Variants in AUH observed in about 807,000 individuals in gnomAD.
AUH encodes the protein methylglutaconyl-CoA hydratase, mitochondrial.
Under a neutral mutation model 42.3 loss-of-function variants are expected in AUH, and 29 were observed. The observed-to-expected ratio is 0.69, with a 90% CI of 0.51 to 0.93. The LOEUF (loss-of-function observed/expected upper bound fraction) is 0.93. AUH is among the 40% of genes least tolerant of loss of function. AUH has a pLI of 0.00. For synonymous variants in AUH, 174 were observed against 166.4 expected, an observed-to-expected ratio of 1.05 and a Z score of -0.35; for missense variants, 452 against 438.1, an observed-to-expected ratio of 1.03 and a Z score of -0.28.
At position 91,248,895 on chromosome 9, in the gene AUH, C is replaced by A. The variant is rs180912208; in HGVS notation, c.656-27903G>T. On this transcript the variant is annotated intron_variant, in intron 6 of 9. Coordinates refer to ENST00000375731, the MANE Select transcript of AUH (RefSeq NM_001698.3). The stretch of plus-strand genomic sequence containing the variant: ...TACTGTTATTATTAGCAGGCTAGCA[C>A]AATGGCATTTTTGGCTCACGGTCAA... 2.6e-5 allele frequency among the ~76,000 whole-genome samples: 4 copies of A among 152,282 alleles called. No homozygotes were observed. In the East Asian group the frequency reaches 7.7e-4, roughly 29 times the overall value.
At chr9:91,316,322 G>C (rs911258179) in intron 4 of AUH, among the ~76,000 whole-genome samples, 1 of 152,178 alleles carries the variant, frequency 6.6e-6, no homozygotes, top group Admixed American at 6.5e-5. Flanking sequence ...TACTGGGCCA[G>C]AGTGTAGATA....
At chr9:91,318,438 C>T (rs968153166) in intron 4 of AUH, among the ~76,000 whole-genome samples, 1 of 152,188 alleles carries the variant, frequency 6.6e-6, no homozygotes, top group Non-Finnish European at 1.5e-5. Context: ...AAACTCCACT[C>T]CCCTCCCTTT....
chr9:91,337,258 T>C (rs142015163), intron 3 of AUH, among the ~76,000 whole-genome samples: 136 of 152,342 alleles, frequency 8.9e-4, no homozygotes, highest in African/African-American at 3.0e-3. Context: ...GTTTTCTTTG[T>C]AGTTGAGATC....
intron 4 of AUH, among the ~76,000 whole-genome samples, chr9:91,311,850 C>T (rs1287286736): frequency 1.3e-5 from 2 of 152,182 alleles, no homozygotes; most frequent in South Asian, 4.1e-4. Context: ...GCTGTGTAGC[C>T]TTGCTGATGC....
At chr9:91,251,152 G>A (rs546868387) in intron 6 of AUH, among the ~76,000 whole-genome samples, 2 of 152,286 alleles carry the variant, frequency 1.3e-5, no homozygotes, top group South Asian at 2.1e-4. Context: ...AGGTAGACAG[G>A]ATGGGCTTGC....
At chr9:91,335,807 A>T (rs977605615) in intron 3 of AUH, among the ~76,000 whole-genome samples, 4 of 152,112 alleles carry the variant, frequency 2.6e-5, no homozygotes, top group Non-Finnish European at 5.9e-5. Context: ...GACTTTTTCT[A>T]ATTACGTTTT....
intron 6 of AUH, among the ~76,000 whole-genome samples, chr9:91,224,690 T>G (rs1032869915): frequency 1.3e-5 from 2 of 152,210 alleles, no homozygotes; most frequent in African/African-American, 4.8e-5. Context: ...ATTACACAAA[T>G]ACATGATTTC....
At chr9:91,321,028 T>C (rs1035588296) in intron 4 of AUH, among the ~76,000 whole-genome samples, 3 of 152,224 alleles carry the variant, frequency 2.0e-5, no homozygotes, top group African/African-American at 7.2e-5. Context: ...AGTTTAAGGG[T>C]ATGTTTCTTG....
At chr9:91,250,046 T>C (rs1352600521) in intron 6 of AUH, among the ~76,000 whole-genome samples, 2 of 151,116 alleles carry the variant, frequency 1.3e-5, no homozygotes, top group East Asian at 1.9e-4. Flanking sequence ...TCCAGTTGTA[T>C]TCTCCACTAA....
intron 3 of AUH, among the ~76,000 whole-genome samples, chr9:91,339,280 C>T (rs1830923489): frequency 6.6e-6 from 1 of 152,126 alleles, no homozygotes; most frequent in African/African-American, 2.4e-5. Context: ...TTTGCACCAT[C>T]GTAAATTGAA....
intron 6 of AUH, among the ~76,000 whole-genome samples, chr9:91,260,847 G>T (rs555176398): frequency 1.3e-5 from 2 of 151,924 alleles, no homozygotes; most frequent in Admixed American, 6.6e-5. Context: ...TGGTTTCCAC[G>T]GTGTCTATTT....
intron 6 of AUH, among the ~76,000 whole-genome samples, chr9:91,288,348 A>C (rs747213487): frequency 6.6e-6 from 1 of 152,168 alleles, no homozygotes; most frequent in Admixed American, 6.5e-5. Context: ...TTTAGGAACT[A>C]TTTCTAAAAG....
At position 91,355,960 on chromosome 9, in the gene AUH, G is replaced by C. The variant is rs1564134080; in HGVS notation, c.341C>G (p.Ala114Gly). 3.1e-6 allele frequency: 5 copies of C among 1,612,764 alleles called. No homozygotes were observed. The highest frequency in any genetic ancestry group is 1.7e-4 in the Middle Eastern group (1 of 6,058). Residue 114 changes from alanine (A) to glycine (G), a missense_variant, in exon 3 of 10, where the codon GCT (alanine) becomes GGT (glycine). By Grantham distance (60) the Ala-to-Gly change is moderately conservative. Coordinates refer to ENST00000375731, the MANE Select transcript of AUH (RefSeq NM_001698.3). ...CTTATCAGATTTCAAAGCATCCACA[G>C]CTTTTGATAGCTAAACAGAAATAGG... The part of the protein sequence containing the change: ...SKNLIKMLSK[A>G]VDALKSDKKV...
At chr9:91,355,429 C>T (rs924976267) in intron 3 of AUH, among the ~76,000 whole-genome samples, 2 of 151,896 alleles carry the variant, frequency 1.3e-5, no homozygotes, top group Admixed American at 6.5e-5. Flanking sequence ...AGGTGGCAGG[C>T]GCCTGTAATC....
intron 1 of AUH, among the ~76,000 whole-genome samples, chr9:91,356,990 GACA>G (rs1463038859): frequency 1.3e-5 from 2 of 152,172 alleles, no homozygotes; most frequent in South Asian, 2.1e-4. Context: ...CTAAACTGAA[GACA>G]ACAAAATGTA....
intron 6 of AUH, among the ~76,000 whole-genome samples, chr9:91,244,003 T>C (rs748517579): frequency 6.6e-6 from 1 of 152,198 alleles, no homozygotes; most frequent in African/African-American, 2.4e-5. Flanking sequence ...TCTAACTTAC[T>C]GGAAACAAAT....
intron 6 of AUH, among the ~76,000 whole-genome samples, chr9:91,259,593 A>G (rs1013193593): frequency 2.0e-5 from 3 of 152,082 alleles, no homozygotes; most frequent in African/African-American, 4.8e-5. Flanking sequence ...TCCTTCAAGC[A>G]TTGTTTTATC....
chr9:91,349,051 A>C (rs1292889986), intron 3 of AUH, among the ~76,000 whole-genome samples: 1 of 152,230 alleles, frequency 6.6e-6, no homozygotes, highest in Non-Finnish European at 1.5e-5. Flanking sequence ...TGAAGGACTA[A>C]CAGTTAAATA....
chr9:91,245,130 C>T (rs1828723462), intron 6 of AUH, among the ~76,000 whole-genome samples: 1 of 152,106 alleles, frequency 6.6e-6, no homozygotes, highest in South Asian at 2.1e-4. Context: ...GGAAGTGACA[C>T]AGTTGCATGG....
Sources: gnomAD v4.1 joint callset for allele counts (sites outside exome capture counted in the v4.1 genomes callset) on GRCh38, gnomAD v4.1.1 for gene constraint, MANE v1.5 for transcripts, NCBI Gene and HGNC (gene_info 2026-07-23, HGNC 2026-07-21) for gene names.